Variants in FBLN1 observed in about 807,000 individuals in gnomAD.
FBLN1 encodes the protein fibulin 1.
Under a neutral mutation model 89.7 loss-of-function variants are expected in FBLN1, and 34 were observed. That is an observed-to-expected ratio of 0.38 (90% CI 0.29 to 0.50). The LOEUF (loss-of-function observed/expected upper bound fraction) is 0.50. Among genes scored for constraint, FBLN1 ranks in the 20% least tolerant of loss-of-function variants. The pLI is 0.92. For missense variants in FBLN1, 777 were observed against 988.1 expected (o/e 0.79, Z 2.86); for synonymous variants, 393 against 391.3 (o/e 1.00, Z -0.05).
intron 16 of FBLN1, among the ~76,000 whole-genome samples, chr22:45,584,485 G>A (rs922906055): frequency 1.3e-5 from 2 of 152,192 alleles, no homozygotes; most frequent in Non-Finnish European, 2.9e-5. Flanking sequence ...GTGTGGCCGC[G>A]GCAAACTGCT....
intron 1 of FBLN1, among the ~76,000 whole-genome samples, chr22:45,508,800 T>A (rs983862044): frequency 6.6e-6 from 1 of 152,130 alleles, no homozygotes; most frequent in African/African-American, 2.4e-5. Context: ...CACGGACATT[T>A]ATTGAATGAC....
At chr22:45,599,151 G>C (rs1183214602) in intron 16 of FBLN1, among the ~76,000 whole-genome samples, 1 of 152,184 alleles carries the variant, frequency 6.6e-6, no homozygotes, top group Admixed American at 6.5e-5. Context: ...TGCCGTGGCT[G>C]AGCTTTGTCT....
intron 14 of FBLN1, chr22:45,558,095 G>A (rs1420188391): frequency 7.0e-6 from 5 of 716,986 alleles, no homozygotes; most frequent in Non-Finnish European, 7.8e-6. Context: ...CTCTGCATGA[G>A]GCCATCGGTG....
rs1433242601 is a variant in FBLN1, at chr22:45,580,231, A to G, written c.1972+3123A>G. 6.6e-6 allele frequency among the ~76,000 whole-genome samples: 1 copy of G among 152,126 alleles called. No homozygotes were observed. The highest frequency in any genetic ancestry group is 2.4e-5 in the African/African-American group (1 of 41,438). On this transcript the variant is annotated intron_variant, in intron 16 of 16. Coordinates refer to ENST00000327858, the MANE Select transcript of FBLN1 (RefSeq NM_006486.3). The surrounding 1 kb of genome is among the most constrained non-coding windows in gnomAD (Gnocchi z 8.6). ...CCCTTCATGGTGGTGGAGAGGAAGA[A>G]AGCGGCTTCCAGGGCTGCTGCTCCT... is the stretch of plus-strand genomic sequence containing the variant.
In FBLN1 at chr22:45,600,721, G is replaced by T; in HGVS notation, c.*275G>T. 2.0e-6 allele frequency: 1 copy of T among 496,298 alleles called. No individual in the cohort carries two copies. Among genetic ancestry groups the T allele is most frequent in the Non-Finnish European group, 3.7e-6 (1 of 272,076 alleles). The allele number at this position is 496,298 out of a possible 1,614,324, so 30.7% of individuals were successfully genotyped here. ...TCACCCCCTTTCTCTGCCTCTGGCT[G>T]GGCCTTGCTAAGGGCCAAGGAAAGA... On this transcript the variant is annotated 3_prime_UTR_variant, in exon 17 of 17. Coordinates refer to ENST00000327858, the MANE Select transcript of FBLN1 (RefSeq NM_006486.3).
intron 11 of FBLN1, 138 bp from the exon 12 acceptor site, chr22:45,546,947 C>A (rs1049821498): frequency 2.2e-6 from 3 of 1,376,562 alleles, no homozygotes; most frequent in South Asian, 2.4e-5. Flanking sequence ...TCGGCCACAC[C>A]CCCCGGGACC....
chr22:45,576,789 T>G lies in FBLN1; in HGVS notation c.1841-188T>G, dbSNP rs1302092113. 6.6e-6 allele frequency among the ~76,000 whole-genome samples: 1 copy of G among 152,164 alleles called. No individual in the cohort carries two copies. The highest frequency in any genetic ancestry group is 1.5e-5 in the Non-Finnish European group (1 of 68,032). On this transcript the variant is annotated intron_variant, in intron 15 of 16. Coordinates refer to ENST00000327858, the MANE Select transcript of FBLN1 (RefSeq NM_006486.3). The surrounding 1 kb of genome is among the most constrained non-coding windows in gnomAD (Gnocchi z 5.2). The stretch of plus-strand genomic sequence containing the variant: ...CCCCTGCTATAAAACAGGGATGGGC[T>G]ATGATATAGGAAGGTCCAGACCCCT...
chr22:45,517,867 A>G (rs548457301), intron 1 of FBLN1, among the ~76,000 whole-genome samples: 5 of 151,878 alleles, frequency 3.3e-5, no homozygotes, highest in South Asian at 2.1e-4. Flanking sequence ...GCGGTGGCTT[A>G]TGCCTGTAAT....
chr22:45,503,511 C>T (rs1256209886), intron 1 of FBLN1: 1 of 152,894 alleles, frequency 6.5e-6, no homozygotes, highest in Non-Finnish European at 1.5e-5. Context: ...TTGTACCCAG[C>T]TTGCGGATGT....
rs565234902 is a variant in FBLN1, at chr22:45,545,284, T to C, written c.1321+1758T>C. ...CTTGAAGAAGTAACTCAGTCTTTCCTGGGCCATGGTGTCCTCATCTGTAAA... is the reference window on the plus strand; with the variant it reads ...CTTGAAGAAGTAACTCAGTCTTTCCCGGGCCATGGTGTCCTCATCTGTAAA... On this transcript the variant is annotated intron_variant, in intron 11 of 16. Coordinates refer to ENST00000327858, the MANE Select transcript of FBLN1 (RefSeq NM_006486.3). This position sits in a 1 kb window ranked among gnomAD's most constrained non-coding sequence, Gnocchi z 5.9. Among the ~76,000 whole-genome samples the C allele has an allele frequency of 6.6e-6, 1 of 152,304 alleles. No homozygotes were observed. The highest frequency in any genetic ancestry group is 2.4e-5 in the African/African-American group (1 of 41,566).
At chr22:45,508,943 G>T (rs2146938033) in intron 1 of FBLN1, among the ~76,000 whole-genome samples, 1 of 152,320 alleles carries the variant, frequency 6.6e-6, no homozygotes. Context: ...ATGCAAGAAA[G>T]AAAACATATT....
chr22:45,566,131 AG>A (rs1357504926), intron 14 of FBLN1, among the ~76,000 whole-genome samples: 1 of 152,192 alleles, frequency 6.6e-6, no homozygotes, highest in Non-Finnish European at 1.5e-5. Flanking sequence ...TGTCCTATTC[AG>A]GCATCCATTT....
chr22:45,585,790 C>T (rs2089080021), intron 16 of FBLN1, among the ~76,000 whole-genome samples: 1 of 152,152 alleles, frequency 6.6e-6, no homozygotes, highest in Admixed American at 6.5e-5. Context: ...AGAACACACA[C>T]CTTTTCTGCT....
chr22:45,515,546 C>T lies in FBLN1; in HGVS notation c.80-3136C>T, dbSNP rs546959309. Among the ~76,000 whole-genome samples the T allele has an allele frequency of 3.9e-5, 6 of 152,300 alleles. No homozygotes were observed. In the South Asian group the frequency reaches 8.3e-4, roughly 21 times the overall value. ...TCTGGGTGCAAAATTCCCAGGGCTA[C>T]GGGAGCCTGCCCTTCCCTGTGTTTT... On this transcript the variant is annotated intron_variant, in intron 1 of 16. Transcript: ENST00000327858.
rs192241242 is a variant in FBLN1 at position 45,563,836 on chromosome 22, C to G, written c.1698-10675C>G. Among the ~76,000 whole-genome samples, 22 of 152,306 alleles carry G rather than the reference C, an allele frequency of 1.4e-4. No homozygotes were observed. In the East Asian group the frequency reaches 3.9e-3, roughly 27 times the overall value. On this transcript the variant is annotated intron_variant, in intron 14 of 16. Coordinates refer to ENST00000327858, the MANE Select transcript of FBLN1 (RefSeq NM_006486.3). This position sits in a 1 kb window ranked among gnomAD's most constrained non-coding sequence, Gnocchi z 5.7. Reference sequence around the variant, plus strand: ...GACAAGAAAGCTCTCTCCTGAGATTCAAGCCTCCTCTTCTGTTTGTCTTGA... The same window carrying G: ...GACAAGAAAGCTCTCTCCTGAGATTGAAGCCTCCTCTTCTGTTTGTCTTGA...
chr22:45,503,019 C>G lies in FBLN1; in HGVS notation c.34C>G (p.Leu12Val). 1 of 1,248,220 alleles carries G rather than the reference C, an allele frequency of 8.0e-7. No homozygotes were observed. The highest frequency in any genetic ancestry group is 1.0e-6 in the Non-Finnish European group (1 of 997,604). The allele number at this position is 1,248,220 out of a possible 1,614,324, so 77.3% of individuals were successfully genotyped here. Residue 12 changes from leucine (L) to valine (V), a missense_variant, in exon 1 of 17, where the codon CTT (leucine) becomes GTT (valine). Leu to Val is a conservative substitution (Grantham distance 32, BLOSUM62 1). Coordinates refer to ENST00000327858, the MANE Select transcript of FBLN1 (RefSeq NM_006486.3). ...CGCCGCGCCGTCGCGCCGGGTCCCG[C>G]TTCCGCTGCTGCTGCTCGGCGGCCT... ...ERAAPSRRVP[L>V]PLLLLGGLAL... is the part of the protein sequence containing the mutation.
intron 1 of FBLN1, chr22:45,518,475 T>C: frequency 1.6e-6 from 1 of 622,868 alleles, no homozygotes; most frequent in South Asian, 1.8e-5. Flanking sequence ...ATTCAGGTCT[T>C]TCTTCTAGGA....
intron 14 of FBLN1, among the ~76,000 whole-genome samples, chr22:45,554,355 G>A (rs990205792): frequency 2.6e-5 from 4 of 152,198 alleles, no homozygotes; most frequent in Admixed American, 6.5e-5. Context: ...GAGCACTCCC[G>A]TTTGGCCTGG....
chr22:45,551,278 AG>A (rs2088697872), intron 14 of FBLN1: 1 of 165,318 alleles, frequency 6.0e-6, no homozygotes, highest in Non-Finnish European at 1.3e-5. Flanking sequence ...CAGTTGCTTC[AG>A]GAAAAGCTCC....
Sources: gnomAD v4.1 joint callset for allele counts (sites outside exome capture counted in the v4.1 genomes callset) on GRCh38, gnomAD v4.1.1 for gene constraint, Gnocchi (gnomAD v3.1) non-coding constraint, MANE v1.5 for transcripts, NCBI Gene and HGNC (gene_info 2026-07-23, HGNC 2026-07-21) for gene names.